Variants in N4BP2 observed in about 807,000 individuals in gnomAD.
N4BP2 encodes NEDD4 binding protein 2.
N4BP2 carries 91 observed loss-of-function variants against 152.8 expected under a neutral mutation model. The observed-to-expected ratio is 0.60, with a 90% confidence interval of 0.50 to 0.71. N4BP2 has a LOEUF of 0.71. Ranked by LOEUF, N4BP2 falls within the 30% of genes least tolerant of loss-of-function variation. N4BP2 has a pLI of 0.00. For missense variants in N4BP2, 1,923 were observed against 2,059.1 expected, an observed-to-expected ratio of 0.93 and a Z score of 1.28; for synonymous variants, 646 against 705.3, an observed-to-expected ratio of 0.92 and a Z score of 1.33.
intron 12 of N4BP2, among the ~76,000 whole-genome samples, chr4:40,129,639 T>G (rs546427258): frequency 2.0e-5 from 3 of 151,884 alleles, no homozygotes; most frequent in African/African-American, 7.3e-5. Flanking sequence ...TTTTTCTTTC[T>G]TTTTTTTCTC....
chr4:40,180,467 T>C, the N4BP2 span, among the ~76,000 whole-genome samples: 1 of 152,186 alleles, frequency 6.6e-6, no homozygotes, highest in Admixed American at 6.5e-5. Context: ...ACTGGTGGAC[T>C]TCCCTGGAGT....
chr4:40,111,569 T>C (rs899073994), intron 5 of N4BP2, among the ~76,000 whole-genome samples: 5 of 152,126 alleles, frequency 3.3e-5, no homozygotes, highest in Non-Finnish European at 5.9e-5. Flanking sequence ...TCCGCCTGAC[T>C]TGGCCTCCCA....
intron 6 of N4BP2, among the ~76,000 whole-genome samples, 182 bp from the exon 7 acceptor site, chr4:40,113,246 GTATT>G (rs1326760556): frequency 2.0e-5 from 3 of 152,166 alleles, no homozygotes; most frequent in South Asian, 2.1e-4. Context: ...TCTTATATAA[GTATT>G]TATCAGTAGC....
intron 5 of N4BP2, 108 bp downstream of exon 5, chr4:40,107,132 C>A: frequency 1.8e-6 from 2 of 1,094,078 alleles, no homozygotes; most frequent in Non-Finnish European, 2.7e-6. Flanking sequence ...CAGGGTCTCG[C>A]TGTGTTGCAC....
At chr4:40,090,508 T>C (rs572678151) in intron 2 of N4BP2, among the ~76,000 whole-genome samples, 1 of 152,338 alleles carries the variant, frequency 6.6e-6, no homozygotes, top group African/African-American at 2.4e-5. Flanking sequence ...ACATCATCAA[T>C]AGGTTCTCGG....
In N4BP2 at chr4:40,121,167, C is replaced by G; in HGVS notation, c.3056C>G (p.Pro1019Arg). Residue 1019 changes from proline (P) to arginine (R), a missense_variant, in exon 9 of 18, where the codon CCA becomes CGA. Coordinates refer to ENST00000261435, the MANE Select transcript of N4BP2 (RefSeq NM_018177.6). ...GTAGGCATGTGCACCCAGACTGAAC[C>G]ACAGGATTTTGCTCTTTTATGGAAA... The part of the protein sequence containing the change: ...KEVGMCTQTE[P>R]QDFALLWKIE... The G allele has an allele frequency of 6.2e-7, 1 of 1,614,084 alleles. No individual in the cohort carries two copies. Among genetic ancestry groups the G allele is most frequent in the Non-Finnish European group, 8.5e-7 (1 of 1,180,002 alleles).
At chr4:40,188,273 C>A in the N4BP2 span, among the ~76,000 whole-genome samples, 3 of 151,668 alleles carry the variant, frequency 2.0e-5, no homozygotes, top group Admixed American at 1.3e-4. Flanking sequence ...AACCGGCTAC[C>A]ATCATAAAGA....
At position 40,102,747 on chromosome 4, in the gene N4BP2, A is replaced by G; in HGVS notation, c.902A>G (p.Asp301Gly). ...GCTTGTTTAAACCTTCCAGGGCTTG[A>G]TTTACCAGGTACAGGTGGGGATCAG... ...PQACLNLPGL[D>G]LPGTGGDQKS... The change falls in exon 4 of 18, where the codon GAT becomes GGT. Residue 301 changes from aspartate to glycine, a missense_variant. Transcript: ENST00000261435. 1 of 1,614,138 alleles carries G rather than the reference A, an allele frequency of 6.2e-7. No individual in the cohort carries two copies.
In N4BP2 at chr4:40,092,757, T is replaced by A. The variant is rs182703040; in HGVS notation, c.-114-4470T>A. 7.9e-3 allele frequency among the ~76,000 whole-genome samples: 1,196 copies of A among 151,184 alleles called. 23 individuals are homozygous for A. The highest frequency in any genetic ancestry group is 0.027 in the African/African-American group (1,120 of 41,160). Reference sequence around the variant, plus strand: ...CTACTGGGTTCAAACGATTCTCTTGTCTCAGCCTCCCAAGTAGCTGGGACT... The same window carrying A: ...CTACTGGGTTCAAACGATTCTCTTGACTCAGCCTCCCAAGTAGCTGGGACT... On this transcript the variant is annotated intron_variant, in intron 2 of 17. Coordinates refer to ENST00000261435, the MANE Select transcript of N4BP2 (RefSeq NM_018177.6).
At chr4:40,103,952 T>C (rs1302016327) in intron 4 of N4BP2, among the ~76,000 whole-genome samples, 1 of 152,160 alleles carries the variant, frequency 6.6e-6, no homozygotes, top group Non-Finnish European at 1.5e-5. Context: ...ATCTATTTTA[T>C]ATGCTAGTTC....
chr4:40,097,460 G>A lies in N4BP2; in HGVS notation c.120G>A (p.Met40Ile), dbSNP rs766482154. ...AGCCAACCACTACTCTACCTTCCAT[G>A]GGTGAGACAAAAGTTGATCAGGAAG... ...REEPTTTLPS[M>I]GETKVDQEEL... The change falls in exon 3 of 18, where the codon ATG (methionine) becomes ATA (isoleucine). Residue 40 changes from methionine (M) to isoleucine (I), a missense_variant. Transcript: ENST00000261435. 6.2e-7 allele frequency: 1 copy of A among 1,614,050 alleles called. No individual in the cohort carries two copies. Among genetic ancestry groups the A allele is most frequent in the Non-Finnish European group, 8.5e-7 (1 of 1,179,946 alleles).
chr4:40,144,704 G>C lies in N4BP2; in HGVS notation c.5047G>C (p.Ala1683Pro), dbSNP rs774730516. Residue 1683 changes from alanine (A) to proline (P), a missense_variant, in exon 16 of 18, where the codon GCT becomes CCT. Coordinates refer to ENST00000261435, the MANE Select transcript of N4BP2 (RefSeq NM_018177.6). ...AAIEIFEKVN[A>P]SLLPQNVLDL... ...CATAGAGATCTTTGAGAAAGTCAATGCTTCGCTGCTGCCACAGAATGTTTT... is the reference window on the plus strand; with the variant it reads ...CATAGAGATCTTTGAGAAAGTCAATCCTTCGCTGCTGCCACAGAATGTTTT... 4 of 1,614,088 alleles carry C rather than the reference G, an allele frequency of 2.5e-6. No individual in the cohort carries two copies. In the Admixed American group the frequency reaches 5.0e-5, roughly 20 times the overall value.
intron 9 of N4BP2, among the ~76,000 whole-genome samples, 167 bp from the exon 10 acceptor site, chr4:40,122,958 CAT>C (rs1310448544): frequency 3.3e-5 from 5 of 152,152 alleles, no homozygotes; most frequent in African/African-American, 1.2e-4. Context: ...AAGACAGTAA[CAT>C]AGCATATAAC....
rs1259379853 is a variant in N4BP2, at chr4:40,107,055, G to A, written c.1498+31G>A. On this transcript the variant is annotated intron_variant, in intron 5 of 17. Transcript: ENST00000261435. ...AACAGATAATCAGATTCTGGGTAACGTTATGAGTAATACAAAGAAAAAATT... is the reference window on the plus strand; with the variant it reads ...AACAGATAATCAGATTCTGGGTAACATTATGAGTAATACAAAGAAAAAATT... 25 of 1,598,322 alleles carry A rather than the reference G, an allele frequency of 1.6e-5. 1 individual carries two copies. The highest frequency in any genetic ancestry group is 4.6e-5 in the South Asian group (4 of 87,624).
chr4:40,188,039 AAAC>A, the N4BP2 span, among the ~76,000 whole-genome samples: 419 of 152,370 alleles, frequency 2.7e-3, 2 homozygotes, highest in African/African-American at 9.1e-3. Context: ...GAGGGAGGAA[AAAC>A]AACAACAACA....
chr4:40,103,837 T>C (rs1715945808), intron 4 of N4BP2, among the ~76,000 whole-genome samples: 2 of 152,214 alleles, frequency 1.3e-5, no homozygotes, highest in Admixed American at 1.3e-4. Context: ...GAGTCAGTGT[T>C]AGAGGCAGCT....
chr4:40,137,073 A>G lies in N4BP2; in HGVS notation c.4776A>G (p.Lys1592=), dbSNP rs775282949. Residue 1592 remains lysine (K), a synonymous_variant, in exon 14 of 18, where the codon AAA becomes AAG. Coordinates refer to ENST00000261435, the MANE Select transcript of N4BP2 (RefSeq NM_018177.6). Reference sequence around the variant, plus strand: ...CATCTCATACTGGCCAGAAGTCTAAAGAGAAAAAGGTATGGAGTTACTAAT... The same window carrying G: ...CATCTCATACTGGCCAGAAGTCTAAGGAGAAAAAGGTATGGAGTTACTAAT... ...NVTSHTGQKS[K]EKKPKKLKET... 3.4e-5 allele frequency: 55 copies of G among 1,612,022 alleles called. No homozygotes were observed. The highest frequency in any genetic ancestry group is 4.6e-5 in the Non-Finnish European group (54 of 1,179,184).
rs748112633 is a variant in N4BP2, at chr4:40,097,429, G to A, written c.89G>A (p.Arg30His). 26 of 1,614,062 alleles carry A rather than the reference G, an allele frequency of 1.6e-5. No homozygotes were observed. Among genetic ancestry groups the A allele is most frequent in the Middle Eastern group, 1.7e-4 (1 of 6,060 alleles). Reference protein sequence around the residue: ...KEVVVSSVASREEPTTTLPSM... With the variant: ...KEVVVSSVASHEEPTTTLPSM... ...GTTGTCGTATCCAGTGTTGCTAGTC[G>A]TGAGGAGCCAACCACTACTCTACCT... Residue 30 changes from arginine to histidine, a missense_variant, in exon 3 of 18, where the codon CGT becomes CAT. Arg to His is a conservative substitution (Grantham distance 29, BLOSUM62 0). Transcript: ENST00000261435.
At chr4:40,174,530 C>T in the N4BP2 span, among the ~76,000 whole-genome samples, 3 of 151,606 alleles carry the variant, frequency 2.0e-5, no homozygotes, top group East Asian at 2.0e-4. Flanking sequence ...TGGCCAGGTG[C>T]GGTGGCTCAC....
Sources: gnomAD v4.1 joint callset for allele counts (sites outside exome capture counted in the v4.1 genomes callset) on GRCh38, gnomAD v4.1.1 for gene constraint, MANE v1.5 for transcripts, NCBI Gene and HGNC (gene_info 2026-07-23, HGNC 2026-07-21) for gene names.